CSGALNACT1: variants seen among roughly 807,000 people sequenced by gnomAD.
CSGALNACT1 encodes the protein chondroitin sulfate N-acetylgalactosaminyltransferase 1.
Under a neutral mutation model 51.0 loss-of-function variants are expected in CSGALNACT1, and 52 were observed. That is an observed-to-expected ratio of 1.02 (90% CI 0.82 to 1.29). CSGALNACT1 has a LOEUF of 1.29. CSGALNACT1 is among the 50% of genes most tolerant of loss of function. CSGALNACT1 has a pLI of 0.00. For synonymous variants in CSGALNACT1, 341 were observed against 254.4 expected (o/e 1.34, Z -3.24); for missense variants, 935 against 679.2 (o/e 1.38, Z -4.19).
chr8:19,626,789 G>T (rs2054514959), intron 1 of CSGALNACT1, among the ~76,000 whole-genome samples: 1 of 152,266 alleles, frequency 6.6e-6, no homozygotes, highest in Middle Eastern at 3.4e-3. Context: ...TCACCAAAGA[G>T]AATATGGGTG....
chr8:19,579,661 T>A (rs905399300), intron 3 of CSGALNACT1, among the ~76,000 whole-genome samples: 1 of 152,256 alleles, frequency 6.6e-6, no homozygotes, highest in African/African-American at 2.4e-5. Flanking sequence ...CCTTAGGTTC[T>A]AGCATGTTCA....
At chr8:19,578,734 A>T (rs2044858141) in intron 3 of CSGALNACT1, among the ~76,000 whole-genome samples, 1 of 152,094 alleles carries the variant, frequency 6.6e-6, no homozygotes, top group African/African-American at 2.4e-5. Context: ...CCGATTCCTC[A>T]GTCTGACTCA....
intron 3 of CSGALNACT1, among the ~76,000 whole-genome samples, chr8:19,551,471 T>C (rs1005421146): frequency 6.6e-6 from 1 of 152,222 alleles, no homozygotes; most frequent in East Asian, 1.9e-4. Context: ...GCAAAGTCAG[T>C]AGGGTGAGAC....
At chr8:19,644,709 C>CAA (rs756025465) in intron 1 of CSGALNACT1, among the ~76,000 whole-genome samples, 389 of 22,166 alleles carry the variant, frequency 0.018, 39 homozygotes, top group African/African-American at 0.026. Context: ...GACTCCGTCT[C>CAA]AAAAAAAAAA....
At chr8:19,566,801 C>T (rs921395173) in intron 3 of CSGALNACT1, among the ~76,000 whole-genome samples, 2 of 152,146 alleles carry the variant, frequency 1.3e-5, no homozygotes, top group African/African-American at 4.8e-5. Context: ...AGGATAACAA[C>T]AGGCTACCCC....
chr8:19,493,115 T>C (rs922351374), intron 4 of CSGALNACT1, among the ~76,000 whole-genome samples: 48 of 152,168 alleles, frequency 3.2e-4, no homozygotes, highest in African/African-American at 1.1e-3. Flanking sequence ...TAAACACTTT[T>C]GTGAAATGTC....
intron 8 of CSGALNACT1, among the ~76,000 whole-genome samples, chr8:19,411,854 G>A (rs965442651): frequency 1.4e-4 from 20 of 144,212 alleles, no homozygotes; most frequent in African/African-American, 2.8e-4. Context: ...TTTTTTTGAC[G>A]GAGTCTTGCT....
intron 3 of CSGALNACT1, among the ~76,000 whole-genome samples, chr8:19,513,464 T>A (rs973045757): frequency 5.3e-5 from 4 of 75,326 alleles, no homozygotes; most frequent in Middle Eastern, 7.5e-3. Flanking sequence ...ATATATATAT[T>A]TTGTGCCATC....
chr8:19,618,646 AAAAAAAAAAAGAAAGAAAG>A (rs2053388030), intron 1 of CSGALNACT1, among the ~76,000 whole-genome samples: 1 of 141,990 alleles, frequency 7.0e-6, no homozygotes, highest in African/African-American at 3.0e-5. Context: ...AAAAAAAAAA[AAAAAAAAAAAGAAAGAAAG>A]AAAGAAAGAA....
At chr8:19,617,787 G>A (rs2053239099) in intron 1 of CSGALNACT1, among the ~76,000 whole-genome samples, 1 of 152,148 alleles carries the variant, frequency 6.6e-6, no homozygotes, top group African/African-American at 2.4e-5. Context: ...AAATTGTGCT[G>A]ATTTATGTTA....
chr8:19,598,986 C>T (rs1284664685), intron 2 of CSGALNACT1, among the ~76,000 whole-genome samples: 2 of 152,144 alleles, frequency 1.3e-5, no homozygotes, highest in Non-Finnish European at 2.9e-5. Flanking sequence ...AGGTTTGAAG[C>T]TCCCTGGTCA....
chr8:19,588,437 C>T (rs2047120942), intron 3 of CSGALNACT1, among the ~76,000 whole-genome samples: 1 of 152,070 alleles, frequency 6.6e-6, no homozygotes, highest in Admixed American at 6.6e-5. Context: ...TAAGTTCATC[C>T]AAGCAAACTC....
intron 1 of CSGALNACT1, among the ~76,000 whole-genome samples, chr8:19,633,526 A>T (rs1392626342): frequency 6.6e-6 from 1 of 152,196 alleles, no homozygotes; most frequent in East Asian, 1.9e-4. Flanking sequence ...CCATATGGCT[A>T]TTGTCCTCTT....
chr8:19,474,887 GA>G (rs1262055322), intron 4 of CSGALNACT1, among the ~76,000 whole-genome samples: 4 of 70,856 alleles, frequency 5.6e-5, no homozygotes, highest in African/African-American at 1.9e-4. Flanking sequence ...AAAAAAAAAA[GA>G]AAAAAAAAAG....
At chr8:19,600,320 T>C (rs2050129863) in intron 2 of CSGALNACT1, among the ~76,000 whole-genome samples, 1 of 152,196 alleles carries the variant, frequency 6.6e-6, no homozygotes. Context: ...GACCTTGTGA[T>C]CCACCTGCTT....
Position 19,515,930 on chromosome 8 carries a change from A to T in CSGALNACT1, c.-296-9800T>A, listed in dbSNP as rs1174650282. ...CAGGACACTGGCATAAGAAGATGCT[A>T]CTCAAGCCAGGTGTACAGAATAAAG... On this transcript the variant is annotated intron_variant, in intron 3 of 9. Coordinates refer to ENST00000454498, the Ensembl canonical transcript of CSGALNACT1. Among the ~76,000 whole-genome samples, 14 of 152,214 alleles carry T rather than the reference A, an allele frequency of 9.2e-5. No homozygotes were observed. In the East Asian group the frequency reaches 2.5e-3, roughly 27 times the overall value.
exon 5 of CSGALNACT1, chr8:19,458,633 C>T (rs201621441): frequency 2.0e-5 from 32 of 1,613,848 alleles, no homozygotes; most frequent in Non-Finnish European, 2.5e-5. Context: ...CCTTTCTGTT[C>T]GGTAGATCCC....
Position 19,518,176 on chromosome 8 carries a change from A to G in CSGALNACT1, c.-296-12046T>C, listed in dbSNP as rs57822770. Among the ~76,000 whole-genome samples, 1,451 of 152,308 alleles carry G rather than the reference A, an allele frequency of 9.5e-3. 23 individuals are homozygous for G. Among genetic ancestry groups the G allele is most frequent in the African/African-American group, 0.033 (1,377 of 41,558 alleles). ...AGTTAAGAAGCAATCACTTAGGCAA[A>G]TAGTAAGGGTATGGGAGTCCTCAGT... On this transcript the variant is annotated intron_variant, in intron 3 of 9. Transcript: ENST00000454498.
chr8:19,510,710 C>A (rs970759673), intron 3 of CSGALNACT1, among the ~76,000 whole-genome samples: 14 of 152,136 alleles, frequency 9.2e-5, no homozygotes, highest in Admixed American at 9.2e-4. Flanking sequence ...ATGGGAGGAT[C>A]TGAAAAGTAC....
Sources: gnomAD v4.1 joint callset for allele counts (sites outside exome capture counted in the v4.1 genomes callset) on GRCh38, gnomAD v4.1.1 for gene constraint, MANE v1.5 for transcripts, NCBI Gene and HGNC (gene_info 2026-07-23, HGNC 2026-07-21) for gene names.